The following FRMD4B variants were observed in gnomAD, a reference collection of about 807,000 sequenced individuals.
FRMD4B encodes the protein FERM domain containing 4B.
In FRMD4B, 74 loss-of-function variants were observed where a neutral mutation model predicts 141.5. That is an observed-to-expected ratio of 0.52 (90% CI 0.43 to 0.63). FRMD4B has a LOEUF of 0.63. Among genes scored for constraint, FRMD4B ranks in the 30% least tolerant of loss-of-function variants. The pLI is 0.00. For missense variants in FRMD4B, 1,366 were observed against 1,253.4 expected (o/e 1.09, Z -1.36); for synonymous variants, 506 against 467.9 (o/e 1.08, Z -1.05).
At chr3:69,196,760 C>G in intron 13 of FRMD4B, 140 bp downstream of exon 13, 1 of 650,932 alleles carries the variant, frequency 1.5e-6, no homozygotes, top group Non-Finnish European at 2.6e-6. Context: ...TATAAAAAAC[C>G]TGAAATAGTT....
intron 1 of FRMD4B, among the ~76,000 whole-genome samples, chr3:69,439,698 C>G (rs1166930402): frequency 1.3e-5 from 2 of 152,194 alleles, no homozygotes; most frequent in Non-Finnish European, 2.9e-5. Context: ...AAAGTGCCAC[C>G]TGCCACAGCT....
intron 11 of FRMD4B, among the ~76,000 whole-genome samples, chr3:69,208,048 T>C (rs1041601150): frequency 6.6e-6 from 1 of 151,688 alleles, no homozygotes; most frequent in Non-Finnish European, 1.5e-5. Context: ...TCTGGCTAAT[T>C]TTTGTATTTT....
chr3:69,511,516 G>A (rs1002739610), intron 1 of FRMD4B, among the ~76,000 whole-genome samples: 4 of 152,114 alleles, frequency 2.6e-5, no homozygotes, highest in African/African-American at 9.7e-5. Context: ...ACATGTGGTG[G>A]CCATGGAAAC....
chr3:69,512,285 T>C (rs1706702650), intron 1 of FRMD4B, among the ~76,000 whole-genome samples: 1 of 152,212 alleles, frequency 6.6e-6, no homozygotes, highest in Non-Finnish European at 1.5e-5. Context: ...TATTTACTTA[T>C]TTGGTTTTAA....
intron 1 of FRMD4B, among the ~76,000 whole-genome samples, chr3:69,320,616 T>C (rs749439218): frequency 7.2e-5 from 11 of 152,150 alleles, no homozygotes; most frequent in Non-Finnish European, 1.5e-4. Context: ...TGAAAAGAGC[T>C]GTATGTGGAG....
rs530320634 is a variant in FRMD4B, at chr3:69,456,984, T to C, written c.-128-24223A>G. Reference sequence around the variant, plus strand: ...TGTAGAGAAAAAGTTTGCAGACTCCTGCTTTAAATGGTAGGAGTTCGTTTT... The same window carrying C: ...TGTAGAGAAAAAGTTTGCAGACTCCCGCTTTAAATGGTAGGAGTTCGTTTT... On this transcript the variant is annotated intron_variant, in intron 1 of 5. Transcript: ENST00000459638. 4.6e-5 allele frequency among the ~76,000 whole-genome samples: 7 copies of C among 152,338 alleles called. No homozygotes were observed. In the East Asian group the frequency reaches 1.3e-3, roughly 29 times the overall value.
At chr3:69,453,515 G>C (rs951371786) in intron 1 of FRMD4B, among the ~76,000 whole-genome samples, 1 of 152,300 alleles carries the variant, frequency 6.6e-6, no homozygotes, top group Admixed American at 6.5e-5. Flanking sequence ...GTGATGCCTG[G>C]AGCTAGCCAA....
chr3:69,378,479 A>G (rs1982747), intron 1 of FRMD4B, among the ~76,000 whole-genome samples: 142,089 of 152,290 alleles, frequency 0.93, 66,288 homozygotes, highest in East Asian at 0.97. Flanking sequence ...GATTGAATAG[A>G]TAGTATGAGC....
chr3:69,409,694 G>A (rs981344387), intron 2 of FRMD4B, among the ~76,000 whole-genome samples: 1 of 152,134 alleles, frequency 6.6e-6, no homozygotes, highest in African/African-American at 2.4e-5. Context: ...TCCAACAGAG[G>A]GAATCTCAGG....
At chr3:69,450,252 G>C (rs549911715) in intron 1 of FRMD4B, among the ~76,000 whole-genome samples, 1 of 152,318 alleles carries the variant, frequency 6.6e-6, no homozygotes, top group African/African-American at 2.4e-5. Context: ...GCCAAATGTC[G>C]TGGCTCTTGC....
At chr3:69,278,807 T>G (rs2093630873) in intron 5 of FRMD4B, among the ~76,000 whole-genome samples, 1 of 152,128 alleles carries the variant, frequency 6.6e-6, no homozygotes, top group African/African-American at 2.4e-5. Context: ...CAGGCTGGTC[T>G]GGAACTCCTG....
chr3:69,507,356 T>G (rs1706613598), intron 1 of FRMD4B, among the ~76,000 whole-genome samples: 1 of 152,158 alleles, frequency 6.6e-6, no homozygotes, highest in African/African-American at 2.4e-5. Flanking sequence ...CAACCATGCA[T>G]GCACGTATGT....
rs182246314 is a variant in FRMD4B, at chr3:69,288,621, C to T, written c.417-785G>A. Among the ~76,000 whole-genome samples, 247 of 152,254 alleles carry T rather than the reference C, an allele frequency of 1.6e-3. 2 individuals carry two copies. Among genetic ancestry groups the T allele is most frequent in the African/African-American group, 5.4e-3 (225 of 41,552 alleles). ...TTTCATAATCCTGTACTGATGAGGCCGGCTTGCAAAGGCTGGCACTCTGTG... is the reference window on the plus strand; with the variant it reads ...TTTCATAATCCTGTACTGATGAGGCTGGCTTGCAAAGGCTGGCACTCTGTG... On this transcript the variant is annotated intron_variant, in intron 4 of 22. Transcript: ENST00000398540.
intron 1 of FRMD4B, among the ~76,000 whole-genome samples, chr3:69,365,505 GT>G (rs1553730860): frequency 1.0e-4 from 14 of 137,864 alleles, no homozygotes; most frequent in African/African-American, 4.4e-4. Flanking sequence ...TACAACCTTT[GT>G]TTTTTTTCTT....
chr3:69,188,628 G>A (rs1172044426), intron 18 of FRMD4B, among the ~76,000 whole-genome samples: 1 of 151,506 alleles, frequency 6.6e-6, no homozygotes, highest in East Asian at 2.0e-4. Flanking sequence ...GCGGTGGCGG[G>A]CGCCTGTAGT....
chr3:69,178,075 G>T (rs776295104), intron 21 of FRMD4B, among the ~76,000 whole-genome samples: 11 of 152,272 alleles, frequency 7.2e-5, no homozygotes, highest in Non-Finnish European at 1.0e-4. Context: ...GGCGTTTGTT[G>T]TCCTCTCTAT....
chr3:69,315,356 GAT>G (rs1559800058), intron 1 of FRMD4B, among the ~76,000 whole-genome samples: 1 of 151,832 alleles, frequency 6.6e-6, no homozygotes. Flanking sequence ...TGTATTTTCA[GAT>G]ATATATTTAC....
intron 1 of FRMD4B, among the ~76,000 whole-genome samples, chr3:69,380,329 T>C (rs1326386513): frequency 1.3e-5 from 2 of 152,126 alleles, no homozygotes; most frequent in Non-Finnish European, 2.9e-5. Flanking sequence ...AATGGGAATG[T>C]AGTCTCACCA....
At chr3:69,341,045 A>C (rs1702722604) in intron 1 of FRMD4B, among the ~76,000 whole-genome samples, 1 of 152,280 alleles carries the variant, frequency 6.6e-6, no homozygotes, top group Admixed American at 6.5e-5. Context: ...AAAATTGGGA[A>C]GACACCATAG....
Sources: allele counts gnomAD v4.1 joint callset (sites outside exome capture counted in the v4.1 genomes callset), GRCh38; gene constraint gnomAD v4.1.1; transcripts MANE v1.5; gene names NCBI Gene and HGNC (gene_info 2026-07-23, HGNC 2026-07-21).